PXDNL: variants seen among roughly 807,000 people sequenced by gnomAD.
PXDNL encodes the protein peroxidasin like.
Under a neutral mutation model 150.8 loss-of-function variants are expected in PXDNL, and 145 were observed. The ratio of observed to expected loss-of-function variants is 0.96; its 90% CI spans 0.84 to 1.10. The LOEUF (loss-of-function observed/expected upper bound fraction) is 1.10. Ranked by LOEUF, PXDNL falls within the 50% of genes least tolerant of loss-of-function variation. The pLI is 0.00. For missense variants in PXDNL, 2,087 were observed against 1,873.9 expected (o/e 1.11, Z -2.10); for synonymous variants, 757 against 725.7 (o/e 1.04, Z -0.69).
chr8:51,545,900 C>G (rs1369212729), intron 4 of PXDNL, among the ~76,000 whole-genome samples: 1 of 152,202 alleles, frequency 6.6e-6, no homozygotes, highest in East Asian at 1.9e-4. Flanking sequence ...TTATTTTCAT[C>G]TCTATAGCCT....
chr8:51,694,370 C>CA (rs35032602), intron 1 of PXDNL, among the ~76,000 whole-genome samples: 3 of 150,062 alleles, frequency 2.0e-5, no homozygotes, highest in African/African-American at 4.9e-5. Flanking sequence ...CTCAAACAAA[C>CA]AAAAAAAAAA....
At chr8:51,323,292 T>C (rs191986375) in intron 21 of PXDNL, among the ~76,000 whole-genome samples, 50 of 152,330 alleles carry the variant, frequency 3.3e-4, no homozygotes, top group African/African-American at 1.2e-3. Flanking sequence ...TGTTTTGTTT[T>C]GTTTTTTGAG....
chr8:51,330,277 G>A (rs532167728), intron 21 of PXDNL, among the ~76,000 whole-genome samples: 2 of 152,040 alleles, frequency 1.3e-5, no homozygotes, highest in Non-Finnish European at 2.9e-5. Context: ...AGGTTGCAGG[G>A]GAAAGAATCT....
intron 12 of PXDNL, chr8:51,436,246 A>T (rs1481238493): frequency 1.9e-6 from 1 of 515,504 alleles, no homozygotes; most frequent in Non-Finnish European, 3.9e-6. Flanking sequence ...GGATAATAGG[A>T]TATGGTTTCA....
At chr8:51,592,401 TG>T (rs1475277989) in intron 3 of PXDNL, among the ~76,000 whole-genome samples, 1 of 152,234 alleles carries the variant, frequency 6.6e-6, no homozygotes, top group African/African-American at 2.4e-5. Context: ...TTAGAACTTG[TG>T]GCAGGAGAAA....
intron 1 of PXDNL, among the ~76,000 whole-genome samples, chr8:51,656,023 G>A (rs1815142999): frequency 6.6e-6 from 1 of 152,164 alleles, no homozygotes; most frequent in African/African-American, 2.4e-5. Flanking sequence ...AAGGAGTATA[G>A]AAGAAAGATG....
intron 17 of PXDNL, among the ~76,000 whole-genome samples, chr8:51,403,066 C>T (rs1187861146): frequency 2.3e-5 from 3 of 128,928 alleles, no homozygotes; most frequent in East Asian, 4.4e-4. Context: ...TCAGCCTAGG[C>T]GATAGAGCCA....
rs1391806792 is a variant in PXDNL at position 51,610,158 on chromosome 8, C to T, written c.237-17460G>A. On this transcript the variant is annotated intron_variant, in intron 2 of 22. Coordinates refer to ENST00000356297, the MANE Select transcript of PXDNL (RefSeq NM_144651.5). Reference sequence around the variant, plus strand: ...AGGTCAAGTTCCTTTAGGTGGTTACCCTAAAGACAAATTACACCTGTTGGT... The same window carrying T: ...AGGTCAAGTTCCTTTAGGTGGTTACTCTAAAGACAAATTACACCTGTTGGT... Among the ~76,000 whole-genome samples, 6 of 152,038 alleles carry T rather than the reference C, an allele frequency of 3.9e-5. No homozygotes were observed. In the East Asian group the frequency reaches 1.2e-3, roughly 29 times the overall value.
At chr8:51,573,384 G>C (rs1812986683) in intron 3 of PXDNL, among the ~76,000 whole-genome samples, 1 of 151,958 alleles carries the variant, frequency 6.6e-6, no homozygotes, top group African/African-American at 2.4e-5. Flanking sequence ...GCAATAAAGA[G>C]CTGTCCTTCC....
intron 17 of PXDNL, among the ~76,000 whole-genome samples, chr8:51,404,996 G>A (rs1808395274): frequency 6.6e-6 from 1 of 152,204 alleles, no homozygotes; most frequent in Admixed American, 6.5e-5. Flanking sequence ...GGCCCTGGGA[G>A]AATTCGAGCT....
intron 1 of PXDNL, among the ~76,000 whole-genome samples, chr8:51,773,184 G>A (rs2037317028): frequency 6.6e-6 from 1 of 152,194 alleles, no homozygotes; most frequent in Non-Finnish European, 1.5e-5. Flanking sequence ...CAAACGCCAT[G>A]CTTAGCCTTT....
In PXDNL at chr8:51,782,151, T is replaced by C. The variant is rs910323142; in HGVS notation, c.164+27030A>G. ...TTGCCAGGAGTGCCCACCCACAGCC[T>C]CCGGGGGCTGGACTCTTACAAGGGG... On this transcript the variant is annotated intron_variant, in intron 1 of 22. Transcript: ENST00000356297. Among the ~76,000 whole-genome samples the C allele has an allele frequency of 3.3e-5, 5 of 152,234 alleles. No individual in the cohort carries two copies. The East Asian group carries it at 5.8e-4, about 18-fold the overall frequency.
rs559972365 is a variant in PXDNL at position 51,557,038 on chromosome 8, C to A, written c.309-127G>T. 63 of 603,058 alleles carry A rather than the reference C, an allele frequency of 1.0e-4. No individual in the cohort carries two copies. The South Asian group carries it at 1.3e-3, about 13-fold the overall frequency. 37.4% of individuals were successfully genotyped at this position (603,058 alleles called of 1,614,324 possible). Reference sequence around the variant, plus strand: ...TGTGGGATGTCCATAGATTCTCTAACAATATATAGAAACTGTTATTTCACT... The same window carrying A: ...TGTGGGATGTCCATAGATTCTCTAAAAATATATAGAAACTGTTATTTCACT... On this transcript the variant is annotated intron_variant, in intron 3 of 22. Transcript: ENST00000356297.
chr8:51,619,280 T>C (rs983907460), intron 2 of PXDNL, among the ~76,000 whole-genome samples: 3 of 152,208 alleles, frequency 2.0e-5, no homozygotes, highest in Non-Finnish European at 4.4e-5. Flanking sequence ...TGCCTTTCTG[T>C]GTAAGGGCTG....
chr8:51,795,431 A>G (rs759810476), intron 1 of PXDNL, among the ~76,000 whole-genome samples: 1 of 152,256 alleles, frequency 6.6e-6, no homozygotes, highest in Non-Finnish European at 1.5e-5. Flanking sequence ...AATAACTGAA[A>G]TCATAGCAAA....
At chr8:51,728,731 G>T (rs1232885008) in intron 1 of PXDNL, among the ~76,000 whole-genome samples, 1 of 152,114 alleles carries the variant, frequency 6.6e-6, no homozygotes, top group Non-Finnish European at 1.5e-5. Context: ...AAAAATTAAA[G>T]TTTATAATGA....
chr8:51,741,834 T>C (rs2036909530), intron 1 of PXDNL, among the ~76,000 whole-genome samples: 1 of 152,228 alleles, frequency 6.6e-6, no homozygotes, highest in South Asian at 2.1e-4. Flanking sequence ...ATGTGGCAGT[T>C]TCTCATAAAA....
chr8:51,541,445 T>A (rs1198436785), intron 4 of PXDNL, among the ~76,000 whole-genome samples: 1 of 152,136 alleles, frequency 6.6e-6, no homozygotes, highest in African/African-American at 2.4e-5. Flanking sequence ...TGCAGCAAGG[T>A]CTTTCCACAC....
intron 1 of PXDNL, among the ~76,000 whole-genome samples, chr8:51,715,403 C>G (rs1000734859): frequency 6.6e-6 from 1 of 152,186 alleles, no homozygotes; most frequent in Non-Finnish European, 1.5e-5. Flanking sequence ...TGAACTCTGA[C>G]TGACTCCACC....
Sources: gnomAD v4.1 joint callset for allele counts (sites outside exome capture counted in the v4.1 genomes callset) on GRCh38, gnomAD v4.1.1 for gene constraint, MANE v1.5 for transcripts, NCBI Gene and HGNC (gene_info 2026-07-23, HGNC 2026-07-21) for gene names.